CSRNP3: variants seen among roughly 807,000 people sequenced by gnomAD.
CSRNP3 encodes cysteine and serine rich nuclear protein 3, also known as cysteine/serine-rich nuclear protein 3.
Under a neutral mutation model 48.0 loss-of-function variants are expected in CSRNP3, and 12 were observed. That is an observed-to-expected ratio of 0.25 (90% CI 0.16 to 0.41). The LOEUF (loss-of-function observed/expected upper bound fraction) is 0.41, where lower values mean the gene tolerates loss of function less well. Ranked by LOEUF, CSRNP3 falls within the 10% of genes least tolerant of loss-of-function variation. The probability of loss-of-function intolerance (pLI) is 1.00; values close to 1 mark genes in which losing one functional copy is unlikely to be tolerated. For missense variants in CSRNP3, 580 were observed against 724.4 expected, an observed-to-expected ratio of 0.80 and a Z score of 2.29; for synonymous variants, 263 against 269.7, an observed-to-expected ratio of 0.98 and a Z score of 0.24.
chr2:165,471,140 C>T (rs554703461), intron 1 of CSRNP3, among the ~76,000 whole-genome samples: 1 of 151,736 alleles, frequency 6.6e-6, no homozygotes, highest in Non-Finnish European at 1.5e-5. Context: ...TGAGAATTAC[C>T]TTAAATTTCC....
chr2:165,598,203 G>A (rs906439050), intron 4 of CSRNP3, among the ~76,000 whole-genome samples: 8 of 152,174 alleles, frequency 5.3e-5, no homozygotes, highest in African/African-American at 1.7e-4. Context: ...ATTAAGTTAC[G>A]GTAACTCATT....
intron 3 of CSRNP3, among the ~76,000 whole-genome samples, chr2:165,521,515 A>G (rs1251948458): frequency 6.6e-6 from 1 of 152,180 alleles, no homozygotes; most frequent in East Asian, 1.9e-4. Flanking sequence ...TTTCCAAATA[A>G]TGATTCTTCC....
chr2:165,571,839 A>G (rs986977801), intron 3 of CSRNP3, among the ~76,000 whole-genome samples: 1 of 152,096 alleles, frequency 6.6e-6, no homozygotes, highest in African/African-American at 2.4e-5. Context: ...TAGTATATCT[A>G]TTTTTATTCA....
At chr2:165,585,325 G>A (rs1361798904) in intron 3 of CSRNP3, among the ~76,000 whole-genome samples, 3 of 151,460 alleles carry the variant, frequency 2.0e-5, no homozygotes, top group Non-Finnish European at 4.4e-5. Context: ...TAGACCATCT[G>A]GTTGATAATT....
intron 4 of CSRNP3, among the ~76,000 whole-genome samples, chr2:165,620,751 G>A (rs1023389202): frequency 2.0e-5 from 3 of 152,058 alleles, no homozygotes. Flanking sequence ...TATTTGTAAG[G>A]TGCCTCCTAA....
intron 3 of CSRNP3, among the ~76,000 whole-genome samples, chr2:165,571,844 TA>T: frequency 6.6e-6 from 1 of 152,124 alleles, no homozygotes; most frequent in East Asian, 1.9e-4. Flanking sequence ...TATCTATTTT[TA>T]TTCACATATA....
intron 5 of CSRNP3, among the ~76,000 whole-genome samples, chr2:165,666,421 G>T (rs1558967589): frequency 1.9e-5 from 1 of 53,926 alleles, no homozygotes. Flanking sequence ...AGAGAGAGAG[G>T]AAGAAAGAAA....
intron 2 of CSRNP3, among the ~76,000 whole-genome samples, chr2:165,511,295 A>G (rs1365740913): frequency 1.3e-5 from 2 of 152,200 alleles, no homozygotes; most frequent in Non-Finnish European, 1.5e-5. Flanking sequence ...AGACCAGAGA[A>G]TTAGGGTGAT....
At chr2:165,646,844 A>G (rs1686819641) in intron 4 of CSRNP3, among the ~76,000 whole-genome samples, 1 of 152,154 alleles carries the variant, frequency 6.6e-6, no homozygotes, top group Non-Finnish European at 1.5e-5. Flanking sequence ...TTTTTTCCCA[A>G]TAAAAAAAGA....
Position 165,678,762 on chromosome 2 carries a change from G to T in CSRNP3, c.767G>T (p.Arg256Ile). 1 of 1,614,062 alleles carries T rather than the reference G, an allele frequency of 6.2e-7. No individual in the cohort carries two copies. The highest frequency in any genetic ancestry group is 8.5e-7 in the Non-Finnish European group (1 of 1,179,996). The change falls in exon 7 of 7, where the codon AGA becomes ATA. Residue 256 changes from arginine to isoleucine, a missense_variant. Physicochemically the swap from Arg to Ile is moderately conservative, Grantham distance 97. This residue lies in a region of CSRNP3 where 66 missense variants were observed against 137.6 expected (regional missense o/e 0.48). Coordinates refer to ENST00000651982, the MANE Select transcript of CSRNP3 (RefSeq NM_001172173.2). Reference protein sequence around the residue: ...TKEGCSNTAGRIEFNPIRVRT... With the variant: ...TKEGCSNTAGIIEFNPIRVRT... ...GAAGGATGTAGTAACACAGCAGGTAGAATTGAATTTAATCCTATCCGTGTT... is the reference window on the plus strand; with the variant it reads ...GAAGGATGTAGTAACACAGCAGGTATAATTGAATTTAATCCTATCCGTGTT...
intron 3 of CSRNP3, among the ~76,000 whole-genome samples, chr2:165,530,276 A>G (rs1363974603): frequency 2.0e-5 from 3 of 152,144 alleles, no homozygotes; most frequent in Admixed American, 2.0e-4. Context: ...TCTGTCAATC[A>G]GTTTCAATTA....
intron 3 of CSRNP3, among the ~76,000 whole-genome samples, chr2:165,529,176 A>G (rs1313372755): frequency 6.6e-6 from 1 of 152,186 alleles, no homozygotes; most frequent in Non-Finnish European, 1.5e-5. Flanking sequence ...AATGGCTAAT[A>G]CTTTGGGGGA....
rs1207788873 is a variant in CSRNP3, at chr2:165,505,273, AT to A, written c.-113+10349del. 1.3e-5 allele frequency among the ~76,000 whole-genome samples: 2 copies of A among 152,114 alleles called. 1 individual carries two copies. The highest frequency in any genetic ancestry group is 4.8e-5 in the African/African-American group (2 of 41,436). Reference sequence around the variant, plus strand: ...AAGGAAAACCCATTTATTTCTGTCTATTTTCCACTTAATTGGAGAATAATAA... The same window carrying A: ...AAGGAAAACCCATTTATTTCTGTCTATTTCCACTTAATTGGAGAATAATAA... On this transcript the variant is annotated intron_variant, in intron 2 of 6. Transcript: ENST00000651982.
chr2:165,529,717 T>C (rs1684787219), intron 3 of CSRNP3, among the ~76,000 whole-genome samples: 3 of 152,218 alleles, frequency 2.0e-5, no homozygotes, highest in Admixed American at 1.3e-4. Context: ...ACCATTGCTC[T>C]GAAGTTTTTC....
At chr2:165,567,595 A>G (rs1359107180) in intron 3 of CSRNP3, among the ~76,000 whole-genome samples, 1 of 152,058 alleles carries the variant, frequency 6.6e-6, no homozygotes, top group African/African-American at 2.4e-5. Flanking sequence ...CGAAAGGGTA[A>G]AACTCCAGTA....
intron 3 of CSRNP3, among the ~76,000 whole-genome samples, chr2:165,544,673 G>A (rs1350355260): frequency 1.3e-5 from 2 of 152,128 alleles, no homozygotes; most frequent in Non-Finnish European, 2.9e-5. Flanking sequence ...GAAAAGGGTG[G>A]AAAATTATAA....
At chr2:165,650,537 T>A (rs889072739) in intron 4 of CSRNP3, among the ~76,000 whole-genome samples, 1 of 152,238 alleles carries the variant, frequency 6.6e-6, no homozygotes, top group Admixed American at 6.5e-5. Context: ...CAATCTGTTA[T>A]GCTAATTTCT....
At chr2:165,469,958 T>G (rs368512664) in intron 1 of CSRNP3, among the ~76,000 whole-genome samples, 1 of 152,012 alleles carries the variant, frequency 6.6e-6, no homozygotes, top group African/African-American at 2.4e-5. Context: ...AACAAAACAA[T>G]CACCAGAGGC....
At chr2:165,578,339 C>T (rs7425960) in intron 3 of CSRNP3, among the ~76,000 whole-genome samples, 46,717 of 151,868 alleles carry the variant, frequency 0.31, 7,526 homozygotes, top group Admixed American at 0.43. Context: ...CACATGTGTT[C>T]ATGCTCATGT....
Sources: gnomAD v4.1 joint callset for allele counts (sites outside exome capture counted in the v4.1 genomes callset) on GRCh38, gnomAD v4.1.1 for gene constraint, gnomAD v4.1.1 regional missense constraint, MANE v1.5 for transcripts, NCBI Gene and HGNC (gene_info 2026-07-23, HGNC 2026-07-21) for gene names.